The following ATRNL1 variants were observed in gnomAD, a reference collection of about 807,000 sequenced individuals.
ATRNL1 encodes attractin like 1.
Under a neutral mutation model 182.7 loss-of-function variants are expected in ATRNL1, and 95 were observed. The observed-to-expected ratio is 0.52, with a 90% CI of 0.44 to 0.62. The LOEUF (loss-of-function observed/expected upper bound fraction) is 0.62, where lower values mean the gene tolerates loss of function less well. Ranked by LOEUF, ATRNL1 falls within the 20% of genes least tolerant of loss-of-function variation. The probability of loss-of-function intolerance (pLI) is 0.00; values close to 1 mark genes in which losing one functional copy is unlikely to be tolerated. For missense variants in ATRNL1, 1,471 were observed against 1,679.5 expected, an observed-to-expected ratio of 0.88 and a Z score of 2.17; for synonymous variants, 576 against 568.3, an observed-to-expected ratio of 1.01 and a Z score of -0.19.
intron 27 of ATRNL1, among the ~76,000 whole-genome samples, chr10:115,846,850 A>G (rs1555098895): frequency 6.6e-6 from 1 of 152,098 alleles, no homozygotes; most frequent in Non-Finnish European, 1.5e-5. Context: ...TGCTAGCCCA[A>G]CTACTGCTAA....
At chr10:115,210,060 C>G (rs1265548221) in intron 8 of ATRNL1, among the ~76,000 whole-genome samples, 6 of 151,898 alleles carry the variant, frequency 4.0e-5, no homozygotes. Flanking sequence ...AAAAGTTTAT[C>G]AAGTAGTTAA....
chr10:115,429,082 T>A lies in ATRNL1; in HGVS notation c.3322+2780T>A, dbSNP rs11197209. ...TTTTGTGGTTTTGTTTTGTATTTCT[T>A]TAATGACTAATAGTGTTGAACTTGA... On this transcript the variant is annotated intron_variant, in intron 21 of 28. Coordinates refer to ENST00000355044, the MANE Select transcript of ATRNL1 (RefSeq NM_207303.4). 4.7e-3 allele frequency among the ~76,000 whole-genome samples: 722 copies of A among 152,232 alleles called. 3 individuals are homozygous for A. Among genetic ancestry groups the A allele is most frequent in the Middle Eastern group, 0.017 (5 of 292 alleles).
At chr10:115,698,890 T>C in intron 26 of ATRNL1, among the ~76,000 whole-genome samples, 1 of 152,280 alleles carries the variant, frequency 6.6e-6, no homozygotes, top group East Asian at 1.9e-4. Context: ...TATTAAATTT[T>C]AGTAATATTT....
intron 26 of ATRNL1, among the ~76,000 whole-genome samples, chr10:115,616,942 T>C (rs1857456697): frequency 6.6e-6 from 1 of 152,192 alleles, no homozygotes; most frequent in Admixed American, 6.5e-5. Context: ...TTGGAGCTCC[T>C]ACACAGAGCC....
intron 26 of ATRNL1, among the ~76,000 whole-genome samples, chr10:115,696,947 A>G (rs1408038857): frequency 4.0e-5 from 6 of 151,544 alleles, no homozygotes; most frequent in Admixed American, 6.6e-5. Context: ...ATCAGATCTC[A>G]TGAGAACACA....
chr10:115,905,404 A>T (rs868938973), intron 28 of ATRNL1, among the ~76,000 whole-genome samples: 2,090 of 129,330 alleles, frequency 0.016, 52 homozygotes, highest in African/African-American at 0.064. Flanking sequence ...TTTTTTTTTT[A>T]AGTTTTGTAG....
At chr10:115,861,451 A>G (rs1951314788) in intron 28 of ATRNL1, among the ~76,000 whole-genome samples, 1 of 152,198 alleles carries the variant, frequency 6.6e-6, no homozygotes, top group African/African-American at 2.4e-5. Flanking sequence ...AGCTAGCTGT[A>G]AATTCACACT....
chr10:115,915,499 A>T (rs1952823402), intron 28 of ATRNL1, among the ~76,000 whole-genome samples: 1 of 152,058 alleles, frequency 6.6e-6, no homozygotes, highest in Admixed American at 6.6e-5. Context: ...CTTTGATTCT[A>T]GTTGGGAAAG....
At chr10:115,128,991 A>G (rs554900729) in intron 4 of ATRNL1, among the ~76,000 whole-genome samples, 2 of 152,272 alleles carry the variant, frequency 1.3e-5, no homozygotes, top group South Asian at 4.1e-4. Context: ...TTTTCTGTAA[A>G]ATATACAATC....
intron 8 of ATRNL1, among the ~76,000 whole-genome samples, chr10:115,188,986 T>A (rs1273506183): frequency 6.6e-6 from 1 of 152,140 alleles, no homozygotes; most frequent in African/African-American, 2.4e-5. Flanking sequence ...TTAGGAATAA[T>A]TAAGTAAAAT....
At position 115,774,493 on chromosome 10, in the gene ATRNL1, G is replaced by A. The variant is rs186888494; in HGVS notation, c.3903+47138G>A. Reference sequence around the variant, plus strand: ...AGCTAGGGGTGGCTTTGGGCAAGGTGCTCTGAGGGCCCAGATAATAGGGAA... The same window carrying A: ...AGCTAGGGGTGGCTTTGGGCAAGGTACTCTGAGGGCCCAGATAATAGGGAA... On this transcript the variant is annotated intron_variant, in intron 27 of 28. Coordinates refer to ENST00000355044, the MANE Select transcript of ATRNL1 (RefSeq NM_207303.4). 2.3e-3 allele frequency among the ~76,000 whole-genome samples: 355 copies of A among 151,088 alleles called. 2 individuals are homozygous for A. Among genetic ancestry groups the A allele is most frequent in the Non-Finnish European group, 4.0e-4 (27 of 67,864 alleles).
In ATRNL1 at chr10:115,160,102, C is replaced by A; in HGVS notation, c.892C>A (p.Pro298Thr). ...TTACTGGATTCTGCCAAACGTTAAA[C>A]CCTTCAGTCCTTCTGTAGGTCGGGC... ...ESYWILPNVK[P>T]FSPSVGRASH... The change falls in exon 6 of 29, where the codon CCC (proline) becomes ACC (threonine). Residue 298 changes from proline to threonine, a missense_variant. Physicochemically the swap from Pro to Thr is conservative, Grantham distance 38. Coordinates refer to ENST00000355044, the MANE Select transcript of ATRNL1 (RefSeq NM_207303.4). 6.2e-7 allele frequency: 1 copy of A among 1,612,066 alleles called. No individual in the cohort carries two copies. The highest frequency in any genetic ancestry group is 8.5e-7 in the Non-Finnish European group (1 of 1,179,002).
In ATRNL1 at chr10:115,107,985, T is replaced by C. The variant is rs1301588160; in HGVS notation, c.294-12200T>C. 2.6e-5 allele frequency among the ~76,000 whole-genome samples: 4 copies of C among 152,158 alleles called. No homozygotes were observed. In the East Asian group the frequency reaches 7.7e-4, roughly 29 times the overall value. ...GGGGCAGCCCAGGAGACCTCTGAAA[T>C]GCCTTCAAGATCTCTTTCTATCTTG... On this transcript the variant is annotated intron_variant, in intron 1 of 28. Coordinates refer to ENST00000355044, the MANE Select transcript of ATRNL1 (RefSeq NM_207303.4).
intron 27 of ATRNL1, among the ~76,000 whole-genome samples, chr10:115,828,441 A>G (rs1555092653): frequency 6.6e-6 from 1 of 151,706 alleles, no homozygotes; most frequent in Non-Finnish European, 1.5e-5. Context: ...AAATCAAGGA[A>G]ATAAAGCAGA....
At chr10:115,103,080 CA>C (rs1843847565) in intron 1 of ATRNL1, among the ~76,000 whole-genome samples, 1 of 144,114 alleles carries the variant, frequency 6.9e-6, no homozygotes, top group Non-Finnish European at 1.5e-5. Context: ...CTCTGTCACT[CA>C]GGCTGGAGTG....
intron 26 of ATRNL1, among the ~76,000 whole-genome samples, chr10:115,641,681 A>C (rs1473070973): frequency 1.3e-5 from 2 of 152,124 alleles, no homozygotes; most frequent in Non-Finnish European, 2.9e-5. Flanking sequence ...AGCTAGCAAC[A>C]TGCTTATTTA....
intron 20 of ATRNL1, among the ~76,000 whole-genome samples, chr10:115,403,692 TC>T (rs1844690104): frequency 6.6e-6 from 1 of 152,182 alleles, no homozygotes; most frequent in Non-Finnish European, 1.5e-5. Flanking sequence ...CCTCAAGTGA[TC>T]CGTCCACCTT....
chr10:115,177,590 G>C (rs1376913190), intron 8 of ATRNL1, among the ~76,000 whole-genome samples: 1 of 152,114 alleles, frequency 6.6e-6, no homozygotes, highest in Non-Finnish European at 1.5e-5. Context: ...AACCCTGTCA[G>C]TTGTCAGTTG....
rs59638255 is a variant in ATRNL1 at position 115,271,165 on chromosome 10, T to TACACACACACACAC, written c.2100+2743_2100+2756dup. Among the ~76,000 whole-genome samples, 352 of 146,014 alleles carry TACACACACACACAC rather than the reference T, an allele frequency of 2.4e-3. 3 individuals carry two copies. Among genetic ancestry groups the TACACACACACACAC allele is most frequent in the African/African-American group, 8.5e-3 (331 of 39,010 alleles). On this transcript the variant is annotated intron_variant, in intron 13 of 28. Coordinates refer to ENST00000355044, the MANE Select transcript of ATRNL1 (RefSeq NM_207303.4). ...AAGAGAAGAAAGAAAACAAAGATAT[T>TACACACACACACAC]ACACACACACACACACACACACACA...
Sources: allele counts gnomAD v4.1 joint callset (sites outside exome capture counted in the v4.1 genomes callset), GRCh38; gene constraint gnomAD v4.1.1; transcripts MANE v1.5; gene names NCBI Gene and HGNC (gene_info 2026-07-23, HGNC 2026-07-21).